The following KIF26B variants were observed in gnomAD, a reference collection of about 807,000 sequenced individuals.
KIF26B encodes the protein kinesin-like protein KIF26B.
Under a neutral mutation model 151.2 loss-of-function variants are expected in KIF26B, and 63 were observed. The observed-to-expected ratio is 0.42, with a 90% CI of 0.34 to 0.51. The LOEUF (loss-of-function observed/expected upper bound fraction) is 0.51. Ranked by LOEUF, KIF26B falls within the 20% of genes least tolerant of loss-of-function variation. The pLI, the probability that KIF26B is intolerant of heterozygous loss-of-function variation, is 0.07. For missense variants in KIF26B, 2,813 were observed against 2,913.6 expected (o/e 0.97, Z 0.79); for synonymous variants, 1,357 against 1,262.1 (o/e 1.08, Z -1.59).
chr1:245,249,305 T>C (rs1670395265), intron 2 of KIF26B, among the ~76,000 whole-genome samples: 1 of 151,812 alleles, frequency 6.6e-6, no homozygotes, highest in Non-Finnish European at 1.5e-5. Context: ...TTCACTGTGT[T>C]AGCTGGGATG....
At chr1:245,261,103 C>T (rs1479625570) in intron 2 of KIF26B, among the ~76,000 whole-genome samples, 2 of 148,130 alleles carry the variant, frequency 1.4e-5, no homozygotes, top group African/African-American at 2.5e-5. Flanking sequence ...TCCTTCCTTC[C>T]TTCCTTCCTC....
intron 5 of KIF26B, among the ~76,000 whole-genome samples, chr1:245,568,216 A>C (rs1028058762): frequency 8.0e-5 from 10 of 125,596 alleles, no homozygotes; most frequent in African/African-American, 2.9e-4. Context: ...AAAAAAAAAG[A>C]AGCTCTCAAA....
intron 10 of KIF26B, among the ~76,000 whole-genome samples, chr1:245,674,858 A>C (rs1020431838): frequency 6.6e-6 from 1 of 152,210 alleles, no homozygotes; most frequent in African/African-American, 2.4e-5. Context: ...CACGGCCCCC[A>C]GTCTGCCAAG....
chr1:245,172,581 G>A (rs971493140), intron 2 of KIF26B, among the ~76,000 whole-genome samples: 3 of 152,066 alleles, frequency 2.0e-5, no homozygotes, highest in Non-Finnish European at 4.4e-5. Context: ...AGGCCGAGGC[G>A]GGCAGATCAC....
At chr1:245,537,561 C>T (rs1340547363) in intron 4 of KIF26B, among the ~76,000 whole-genome samples, 1 of 152,182 alleles carries the variant, frequency 6.6e-6, no homozygotes, top group Non-Finnish European at 1.5e-5. Context: ...AAGTCTGTGG[C>T]TCTGACCAAG....
At chr1:245,206,963 G>C (rs1669417464) in intron 2 of KIF26B, among the ~76,000 whole-genome samples, 1 of 152,180 alleles carries the variant, frequency 6.6e-6, no homozygotes, top group South Asian at 2.1e-4. Context: ...TGACCAGCTG[G>C]AATGATCAAG....
intron 2 of KIF26B, among the ~76,000 whole-genome samples, chr1:245,267,435 C>T (rs1397790861): frequency 6.6e-6 from 1 of 152,182 alleles, no homozygotes; most frequent in Non-Finnish European, 1.5e-5. Context: ...TGAGGCACAA[C>T]CCTGTGAGTG....
Position 245,609,316 on chromosome 1 carries a change from A to G in KIF26B, c.1702A>G (p.Ile568Val). ...GKDDSMQNLG[I>V]IPCAISWLFK... ...GGATGATTCCATGCAGAACCTGGGC[A>G]TCATTCCCTGTGCCATCTCTTGGCT... Residue 568 changes from isoleucine to valine, a missense_variant, in exon 8 of 15, where the codon ATC becomes GTC. Around this residue, in one of 3 missense-constraint regions of KIF26B, gnomAD observed 77 missense variants for 136.9 expected, o/e 0.56. Coordinates refer to ENST00000407071, the MANE Select transcript of KIF26B (RefSeq NM_018012.4). 1 of 1,611,258 alleles carries G rather than the reference A, an allele frequency of 6.2e-7. No individual in the cohort carries two copies. The highest frequency in any genetic ancestry group is 8.5e-7 in the Non-Finnish European group (1 of 1,178,774).
At chr1:245,385,126 G>A (rs1243911064) in intron 3 of KIF26B, among the ~76,000 whole-genome samples, 2 of 152,158 alleles carry the variant, frequency 1.3e-5, no homozygotes, top group Non-Finnish European at 2.9e-5. Context: ...AGGATTCAGT[G>A]AAAATAAGTT....
intron 12 of KIF26B, among the ~76,000 whole-genome samples, chr1:245,691,052 G>A (rs1014296602): frequency 1.3e-5 from 2 of 152,166 alleles, no homozygotes; most frequent in South Asian, 2.1e-4. Context: ...TCGGCTGCGT[G>A]GCCACGTGTG....
At chr1:245,203,260 G>GAAAAAA (rs1669338591) in intron 2 of KIF26B, among the ~76,000 whole-genome samples, 1 of 26,210 alleles carries the variant, frequency 3.8e-5, no homozygotes. Flanking sequence ...AAAAAAAAAA[G>GAAAAAA]AAAATGAGTT....
chr1:245,624,398 C>G (rs189581140), intron 9 of KIF26B, among the ~76,000 whole-genome samples: 1 of 152,098 alleles, frequency 6.6e-6, no homozygotes, highest in South Asian at 2.1e-4. Context: ...GGGGAGTTCC[C>G]GTTCCTCCAT....
chr1:245,489,839 C>T (rs912890079), intron 4 of KIF26B, among the ~76,000 whole-genome samples: 9 of 152,216 alleles, frequency 5.9e-5, no homozygotes, highest in African/African-American at 2.2e-4. Flanking sequence ...TGAGTGCTTA[C>T]AGTGTGCTTG....
intron 4 of KIF26B, among the ~76,000 whole-genome samples, chr1:245,536,359 G>A (rs1661487674): frequency 6.6e-6 from 1 of 152,138 alleles, no homozygotes; most frequent in Non-Finnish European, 1.5e-5. Context: ...CCCAGCTCCT[G>A]TAGTCTTCGT....
chr1:245,180,541 A>G lies in KIF26B; in HGVS notation c.465+23858A>G, dbSNP rs118020962. 1.1e-4 allele frequency among the ~76,000 whole-genome samples: 17 copies of G among 152,324 alleles called. No individual in the cohort carries two copies. The East Asian group carries it at 3.3e-3, about 29-fold the overall frequency. ...AGTAAATGCTCAGTAGGTGCTAGCT[A>G]TCATCTCCAGTTTCTATTTCCTGAA... On this transcript the variant is annotated intron_variant, in intron 2 of 14. Coordinates refer to ENST00000407071, the MANE Select transcript of KIF26B (RefSeq NM_018012.4).
At chr1:245,162,402 T>C (rs1051006415) in intron 2 of KIF26B, among the ~76,000 whole-genome samples, 41 of 54,140 alleles carry the variant, frequency 7.6e-4, no homozygotes, top group African/African-American at 1.9e-3. Context: ...TTTTTTTTTT[T>C]TGAGACGGAG....
In KIF26B at chr1:245,397,560, C is replaced by T. The variant is rs182016527; in HGVS notation, c.1000-22019C>T. ...TGTTAACTTTATTGTATTTACCATA[C>T]TCTCCCACTTTTTAAACTACAGATT... On this transcript the variant is annotated intron_variant, in intron 3 of 14. Coordinates refer to ENST00000407071, the MANE Select transcript of KIF26B (RefSeq NM_018012.4). Among the ~76,000 whole-genome samples, 271 of 152,314 alleles carry T rather than the reference C, an allele frequency of 1.8e-3. 2 individuals are homozygous for T. Among genetic ancestry groups the T allele is most frequent in the African/African-American group, 6.4e-3 (267 of 41,574 alleles).
chr1:245,568,499 G>C (rs1250829421), intron 5 of KIF26B, among the ~76,000 whole-genome samples: 2 of 152,180 alleles, frequency 1.3e-5, no homozygotes, highest in Non-Finnish European at 2.9e-5. Context: ...AACAGAGTGA[G>C]ACCTTGTCTC....
chr1:245,386,770 C>G (rs1398226258), intron 3 of KIF26B, among the ~76,000 whole-genome samples: 2 of 152,220 alleles, frequency 1.3e-5, no homozygotes, highest in African/African-American at 4.8e-5. Flanking sequence ...TTGTCACTCT[C>G]TGATCTTGGG....
Sources: gnomAD v4.1 joint callset for allele counts (sites outside exome capture counted in the v4.1 genomes callset) on GRCh38, gnomAD v4.1.1 for gene constraint, gnomAD v4.1.1 regional missense constraint, MANE v1.5 for transcripts, NCBI Gene and HGNC (gene_info 2026-07-23, HGNC 2026-07-21) for gene names.